C12orf56: variants seen among roughly 807,000 people sequenced by gnomAD.
C12orf56 encodes chromosome 12 open reading frame 56, also known as uncharacterized protein C12orf56.
Under a neutral mutation model 69.9 loss-of-function variants are expected in C12orf56, and 71 were observed. The ratio of observed to expected loss-of-function variants is 1.02; its 90% CI spans 0.84 to 1.24. The LOEUF (loss-of-function observed/expected upper bound fraction) is 1.24, where lower values mean the gene tolerates loss of function less well. Among genes scored for constraint, C12orf56 ranks in the 50% most tolerant of loss-of-function variants. C12orf56 has a pLI of 0.00. For synonymous variants in C12orf56, 276 were observed against 274.1 expected (o/e 1.01, Z -0.07); for missense variants, 732 against 738.5 (o/e 0.99, Z 0.10).
intron 5 of C12orf56, among the ~76,000 whole-genome samples, chr12:64,308,082 G>A (rs1174330996): frequency 6.6e-6 from 1 of 152,048 alleles, no homozygotes; most frequent in Non-Finnish European, 1.5e-5. Flanking sequence ...ACTTTAGGAG[G>A]CCCAGGCAGG....
chr12:64,357,392 T>A (rs1438706556), intron 1 of C12orf56, among the ~76,000 whole-genome samples: 1 of 151,802 alleles, frequency 6.6e-6, no homozygotes, highest in East Asian at 1.9e-4. Context: ...GTGTTAGCAA[T>A]CATAATTTTT....
At chr12:64,388,590 A>T (rs1403930338) in intron 1 of C12orf56, among the ~76,000 whole-genome samples, 3 of 152,206 alleles carry the variant, frequency 2.0e-5, no homozygotes, top group African/African-American at 4.8e-5. Context: ...TTAAAAAAAA[A>T]TTTAGTTCAA....
At chr12:64,270,437 A>G (rs1445871694) in intron 12 of C12orf56, 99 bp downstream of exon 12, 8 of 1,038,220 alleles carry the variant, frequency 7.7e-6, no homozygotes, top group African/African-American at 6.6e-5. Context: ...TTCCTGATAA[A>G]TACCTAATCT....
At chr12:64,376,897 C>T (rs772057454) in intron 1 of C12orf56, among the ~76,000 whole-genome samples, 43 of 151,280 alleles carry the variant, frequency 2.8e-4, no homozygotes, top group African/African-American at 8.5e-4. Context: ...TGGAGTGCAG[C>T]GGCCAGGTAG....
intron 8 of C12orf56, among the ~76,000 whole-genome samples, chr12:64,281,368 C>T (rs2164503): frequency 0.7 from 106,831 of 151,768 alleles, 38,762 homozygotes; most frequent in Non-Finnish European, 0.8. Context: ...GTCAGGAGTT[C>T]GAGACCAGTC....
intron 4 of C12orf56, among the ~76,000 whole-genome samples, chr12:64,315,306 G>GT (rs56808442): frequency 1.3e-3 from 185 of 138,958 alleles, no homozygotes; most frequent in Middle Eastern, 7.1e-3. Context: ...ATTGTTCTAC[G>GT]TTTTTTTTTT....
At chr12:64,371,740 G>A (rs993568400) in intron 1 of C12orf56, among the ~76,000 whole-genome samples, 2 of 151,972 alleles carry the variant, frequency 1.3e-5, no homozygotes, top group East Asian at 3.9e-4. Context: ...CGAGGCAGGA[G>A]AATTGCTTGA....
chr12:64,303,950 T>C (rs2038480058), intron 5 of C12orf56, among the ~76,000 whole-genome samples, 171 bp from the exon 6 acceptor site: 2 of 152,202 alleles, frequency 1.3e-5, no homozygotes, highest in African/African-American at 2.4e-5. Context: ...TCCCCACAAA[T>C]TGAACTGTTT....
At chr12:64,320,667 A>C (rs2038759985) in intron 3 of C12orf56, among the ~76,000 whole-genome samples, 1 of 152,186 alleles carries the variant, frequency 6.6e-6, no homozygotes, top group African/African-American at 2.4e-5. Flanking sequence ...GGTGAGACCT[A>C]AATTCCAATC....
chr12:64,333,446 C>G (rs1000633613), intron 2 of C12orf56, among the ~76,000 whole-genome samples: 1 of 151,884 alleles, frequency 6.6e-6, no homozygotes, highest in African/African-American at 2.4e-5. Flanking sequence ...AAAAAAACAA[C>G]TTTAGTGTTC....
chr12:64,323,767 T>A (rs2038802802), intron 3 of C12orf56, among the ~76,000 whole-genome samples: 1 of 152,116 alleles, frequency 6.6e-6, no homozygotes, highest in Admixed American at 6.6e-5. Flanking sequence ...CACCTTGGCC[T>A]CCCAAAGTGC....
At chr12:64,323,755 C>T (rs2038802692) in intron 3 of C12orf56, among the ~76,000 whole-genome samples, 1 of 152,140 alleles carries the variant, frequency 6.6e-6, no homozygotes, top group Non-Finnish European at 1.5e-5. Context: ...AAACAATCTA[C>T]CCACCTTGGC....
intron 8 of C12orf56, among the ~76,000 whole-genome samples, chr12:64,280,630 T>C (rs560275891): frequency 1.1e-4 from 17 of 152,340 alleles, no homozygotes; most frequent in African/African-American, 3.6e-4. Context: ...AAGGCCCTAA[T>C]TGGCTGACTG....
At chr12:64,328,973 G>C (rs902636771) in intron 3 of C12orf56, among the ~76,000 whole-genome samples, 9 of 151,046 alleles carry the variant, frequency 6.0e-5, no homozygotes. Context: ...GCTGAAGCAG[G>C]AAAGTCGCTT....
intron 11 of C12orf56, among the ~76,000 whole-genome samples, chr12:64,272,392 C>T (rs1484425044): frequency 6.6e-6 from 1 of 151,726 alleles, no homozygotes; most frequent in African/African-American, 2.4e-5. Flanking sequence ...GTAATCCCAG[C>T]TACTTGGGAG....
intron 3 of C12orf56, among the ~76,000 whole-genome samples, chr12:64,321,305 C>G (rs1485595783): frequency 2.6e-5 from 4 of 152,040 alleles, no homozygotes; most frequent in South Asian, 2.1e-4. Flanking sequence ...GTTATCTTCT[C>G]TCTCCCATAA....
chr12:64,390,370 G>T lies in C12orf56; in HGVS notation c.196C>A (p.Pro66Thr). The T allele has an allele frequency of 6.2e-7, 1 of 1,613,086 alleles. No homozygotes were observed. Among genetic ancestry groups the T allele is most frequent in the Non-Finnish European group, 8.5e-7 (1 of 1,179,728 alleles). The change falls in exon 1 of 13, where the codon CCG becomes ACG. Residue 66 changes from proline to threonine, a missense_variant. Transcript: ENST00000543942. The stretch of plus-strand genomic sequence containing the variant: ...ACTACCCGCCGGATGGACTTGGGCG[G>T]GTTCTCGGTTAGGTAGACGAGCCGG... ...SDRLVYLTEN[P>T]PKSIRRVVAL...
intron 1 of C12orf56, among the ~76,000 whole-genome samples, chr12:64,370,270 A>G (rs2039552588): frequency 6.6e-6 from 1 of 151,546 alleles, no homozygotes; most frequent in Admixed American, 6.6e-5. Flanking sequence ...GCTTGAACCC[A>G]GGAGGCGGAG....
At position 64,270,551 on chromosome 12, in the gene C12orf56, T is replaced by C. The variant is rs2037971363; in HGVS notation, c.1748A>G (p.Tyr583Cys). 1 of 1,581,494 alleles carries C rather than the reference T, an allele frequency of 6.3e-7. No homozygotes were observed. Among genetic ancestry groups the C allele is most frequent in the Non-Finnish European group, 8.6e-7 (1 of 1,167,866 alleles). ...RTLAEYIRNN[Y>C]REEFRYFIHM... ...TTTTTCTTACCTGAATTCTTCTCTG[T>C]AGTTATTCCTAATATACTCAGCTAG... The change falls in exon 12 of 13, where the codon TAC (tyrosine) becomes TGC (cysteine). Residue 583 changes from tyrosine (Y) to cysteine (C), a missense_variant. Tyr to Cys is a radical substitution (Grantham distance 194). Coordinates refer to ENST00000543942, the MANE Select transcript of C12orf56 (RefSeq NM_001170633.2).
Sources: allele counts gnomAD v4.1 joint callset (sites outside exome capture counted in the v4.1 genomes callset), GRCh38; gene constraint gnomAD v4.1.1; transcripts MANE v1.5; gene names NCBI Gene and HGNC (gene_info 2026-07-23, HGNC 2026-07-21).